Variants in PRIM2 observed in about 807,000 individuals in gnomAD.
PRIM2 encodes the protein DNA primase large subunit.
PRIM2 carries 39 observed loss-of-function variants against 67.3 expected under a neutral mutation model. That is an observed-to-expected ratio of 0.58 (90% confidence interval 0.45 to 0.76). The LOEUF (loss-of-function observed/expected upper bound fraction) is 0.76. PRIM2 is among the 30% of genes least tolerant of loss of function. The pLI, the probability that PRIM2 is intolerant of heterozygous loss-of-function variation, is 0.00. For synonymous variants in PRIM2, 143 were observed against 198.7 expected (o/e 0.72, Z 2.36); for missense variants, 398 against 598.7 (o/e 0.66, Z 3.50).
chr6:57,492,112 T>C (rs1773906792), intron 7 of PRIM2, among the ~76,000 whole-genome samples: 1 of 152,190 alleles, frequency 6.6e-6, no homozygotes, highest in African/African-American at 2.4e-5. Flanking sequence ...CCGGGGACCC[T>C]TCCCTTACTG....
intron 4 of PRIM2, among the ~76,000 whole-genome samples, chr6:57,324,988 G>A (rs933885140): frequency 1.3e-5 from 2 of 152,112 alleles, no homozygotes; most frequent in Non-Finnish European, 2.9e-5. Flanking sequence ...GACAATCTGT[G>A]AAAATCTCCT....
intron 5 of PRIM2, among the ~76,000 whole-genome samples, chr6:57,349,113 C>T (rs1404299617): frequency 1.3e-5 from 2 of 152,068 alleles, no homozygotes; most frequent in East Asian, 3.8e-4. Context: ...TAAACTGTTT[C>T]TAATTATCTG....
At chr6:57,435,279 C>A (rs978849995) in intron 7 of PRIM2, 4 of 152,240 alleles carry the variant, frequency 2.6e-5, no homozygotes, top group Admixed American at 2.0e-4. Flanking sequence ...AAATGGATTT[C>A]TGTGAGCACC....
intron 8 of PRIM2, among the ~76,000 whole-genome samples, chr6:57,514,116 T>C (rs1209047730): frequency 1.3e-5 from 2 of 152,224 alleles, no homozygotes; most frequent in African/African-American, 4.8e-5. Flanking sequence ...TAAAGGCATC[T>C]TCCTTCAGTT....
chr6:57,536,968 C>T (rs1269582903), intron 9 of PRIM2, among the ~76,000 whole-genome samples: 4,773 of 152,048 alleles, frequency 0.031, 244 homozygotes, highest in African/African-American at 0.11. Flanking sequence ...AAATTTAATA[C>T]GGAAGTAAGT....
intron 7 of PRIM2, among the ~76,000 whole-genome samples, chr6:57,440,486 T>C (rs1056215663): frequency 3.9e-5 from 6 of 152,216 alleles, no homozygotes; most frequent in Admixed American, 2.6e-4. Context: ...TAGAAGTTAA[T>C]ACCTGGTTTA....
intron 8 of PRIM2, among the ~76,000 whole-genome samples, chr6:57,511,426 T>G (rs2127460899): frequency 1.3e-5 from 2 of 152,290 alleles, no homozygotes; most frequent in East Asian, 3.9e-4. Flanking sequence ...TGGGTTTGAT[T>G]TCATTTGAGA....
intron 7 of PRIM2, among the ~76,000 whole-genome samples, chr6:57,482,604 G>A (rs1270122068): frequency 4.6e-5 from 7 of 152,184 alleles, no homozygotes; most frequent in Non-Finnish European, 8.8e-5. Context: ...TTTAAACACA[G>A]GAGAAACGTT....
intron 6 of PRIM2, 64 bp downstream of exon 6, chr6:57,380,060 A>G (rs1769904210): frequency 1.5e-6 from 2 of 1,329,944 alleles, no homozygotes; most frequent in Non-Finnish European, 2.1e-6. Flanking sequence ...CTTTATATAC[A>G]TATTTAATTA....
intron 8 of PRIM2, among the ~76,000 whole-genome samples, chr6:57,528,686 A>C (rs1346477024): frequency 3.3e-5 from 5 of 152,344 alleles, no homozygotes; most frequent in African/African-American, 1.2e-4. Flanking sequence ...CACCACCTTC[A>C]GCTGATAGAC....
At chr6:57,315,256 T>C (rs189746813), upstream of PRIM2, among the ~76,000 whole-genome samples, 34 of 152,332 alleles carry the variant, frequency 2.2e-4, no homozygotes, top group African/African-American at 7.5e-4. Flanking sequence ...TATGGTGATC[T>C]TGAACCTCTT....
Position 57,406,620 on chromosome 6 carries a change from G to A in PRIM2, c.693+24452G>A, listed in dbSNP as rs1255511479. 4.6e-5 allele frequency among the ~76,000 whole-genome samples: 7 copies of A among 152,120 alleles called. No individual in the cohort carries two copies. The East Asian group carries it at 5.8e-4, about 13-fold the overall frequency. ...AAAATAAAAACAAAAAATGAAAATC[G>A]TCTGAGACTAGTTGATTGGAAATAA... On this transcript the variant is annotated intron_variant, in intron 7 of 13. Coordinates refer to ENST00000615550, the MANE Select transcript of PRIM2 (RefSeq NM_000947.5).
At chr6:57,417,792 A>G (rs1771318540) in intron 7 of PRIM2, among the ~76,000 whole-genome samples, 1 of 152,250 alleles carries the variant, frequency 6.6e-6, no homozygotes, top group Non-Finnish European at 1.5e-5. Context: ...TATTGGAAAA[A>G]TGCAGCCCAT....
At chr6:57,408,044 C>CT (rs1770956979) in intron 7 of PRIM2, among the ~76,000 whole-genome samples, 1 of 152,260 alleles carries the variant, frequency 6.6e-6, no homozygotes, top group African/African-American at 2.4e-5. Flanking sequence ...AATGATGTTA[C>CT]TCTCCCCCTT....
At chr6:57,524,956 A>G (rs1173226448) in intron 8 of PRIM2, among the ~76,000 whole-genome samples, 9 of 151,880 alleles carry the variant, frequency 5.9e-5, no homozygotes, top group African/African-American at 2.2e-4. Context: ...CTATATTATT[A>G]CAAAGGAAAT....
the PRIM2 span, among the ~76,000 whole-genome samples, chr6:57,308,305 T>C: frequency 6.6e-6 from 1 of 152,058 alleles, no homozygotes; most frequent in African/African-American, 2.4e-5. Flanking sequence ...GTATTTTTTG[T>C]AGAGGCAGGG....
intron 5 of PRIM2, among the ~76,000 whole-genome samples, chr6:57,365,690 T>C (rs1280504075): frequency 1.3e-5 from 2 of 152,188 alleles, no homozygotes; most frequent in African/African-American, 4.8e-5. Context: ...CTGTGTGCGG[T>C]AGCTCGCGCC....
chr6:57,453,250 G>T (rs1201486656), intron 7 of PRIM2, among the ~76,000 whole-genome samples: 1 of 152,152 alleles, frequency 6.6e-6, no homozygotes, highest in Non-Finnish European at 1.5e-5. Flanking sequence ...TTTGGCTTAG[G>T]ATTCACTTTG....
intron 10 of PRIM2, among the ~76,000 whole-genome samples, chr6:57,567,101 AC>A (rs1357703853): frequency 3.9e-5 from 6 of 152,164 alleles, no homozygotes; most frequent in African/African-American, 1.2e-4. Flanking sequence ...CTATACCTTT[AC>A]TTCTACCAGT....
Sources: allele counts gnomAD v4.1 joint callset (sites outside exome capture counted in the v4.1 genomes callset), GRCh38; gene constraint gnomAD v4.1.1; transcripts MANE v1.5; gene names NCBI Gene and HGNC (gene_info 2026-07-23, HGNC 2026-07-21).